Variants in NRG1 observed in about 807,000 individuals in gnomAD.
NRG1 encodes neuregulin 1, also known as pro-neuregulin-1, membrane-bound isoform.
In NRG1, 18 loss-of-function variants were observed where a neutral mutation model predicts 63.8. The ratio of observed to expected loss-of-function variants is 0.28; its 90% CI spans 0.19 to 0.42. NRG1 has a LOEUF of 0.42. NRG1 is among the 10% of genes least tolerant of loss of function. The probability of loss-of-function intolerance (pLI) is 1.00; values close to 1 mark genes in which losing one functional copy is unlikely to be tolerated. For synonymous variants in NRG1, 302 were observed against 301.3 expected (o/e 1.00, Z -0.02); for missense variants, 762 against 814.7 (o/e 0.94, Z 0.79).
chr8:31,879,791 T>C (rs750051457), intron 1 of NRG1, among the ~76,000 whole-genome samples: 2 of 152,158 alleles, frequency 1.3e-5, no homozygotes, highest in Non-Finnish European at 2.9e-5. Flanking sequence ...TTCCCTCTTA[T>C]AAGTAAGAAC....
chr8:32,762,038 CAAAAAAAAA>C (rs11407724), intron 11 of NRG1, among the ~76,000 whole-genome samples: 1 of 81,478 alleles, frequency 1.2e-5, no homozygotes, highest in East Asian at 4.1e-4. Context: ...GACTCCGCCT[CAAAAAAAAA>C]AAAAAAAAAA....
At chr8:32,102,740 C>G (rs969068542) in intron 1 of NRG1, among the ~76,000 whole-genome samples, 1 of 152,112 alleles carries the variant, frequency 6.6e-6, no homozygotes, top group African/African-American at 2.4e-5. Flanking sequence ...GCCCTGCCAT[C>G]GAATCCAGCT....
chr8:32,652,404 TCTGTGGCTCACTTCTTTTCTTCA>T (rs1476341772), intron 5 of NRG1, among the ~76,000 whole-genome samples: 3 of 152,164 alleles, frequency 2.0e-5, no homozygotes, highest in African/African-American at 7.2e-5. Flanking sequence ...AGCAGATTGC[TCTGTGGCTCACTTCTTTTCTTCA>T]TAACCCATTT....
chr8:32,446,157 G>C (rs894527508), intron 1 of NRG1, among the ~76,000 whole-genome samples: 3 of 152,106 alleles, frequency 2.0e-5, no homozygotes, highest in African/African-American at 7.2e-5. Context: ...CTTGAAATCA[G>C]AATTGCCACA....
intron 1 of NRG1, among the ~76,000 whole-genome samples, chr8:32,590,015 A>G (rs1842248497): frequency 6.6e-6 from 1 of 152,232 alleles, no homozygotes; most frequent in South Asian, 2.1e-4. Context: ...GCAGAACACA[A>G]AAGTAGACTT....
At chr8:32,293,856 T>C (rs1854523648) in intron 1 of NRG1, among the ~76,000 whole-genome samples, 1 of 151,880 alleles carries the variant, frequency 6.6e-6, no homozygotes. Context: ...GCAGCTGGGA[T>C]TACAGGCAAC....
intron 1 of NRG1, among the ~76,000 whole-genome samples, chr8:31,832,835 A>C (rs2129606227): frequency 6.6e-6 from 1 of 152,284 alleles, no homozygotes; most frequent in East Asian, 1.9e-4. Flanking sequence ...TCCAAATTAT[A>C]TAGTAGTTTC....
intron 1 of NRG1, among the ~76,000 whole-genome samples, chr8:32,390,441 T>G (rs1452419482): frequency 6.6e-6 from 1 of 151,040 alleles, no homozygotes; most frequent in Non-Finnish European, 1.5e-5. Context: ...CCAGGCGTGG[T>G]GATGAGCACC....
In NRG1 at chr8:31,859,716, T is replaced by C. The variant is rs182157544; in HGVS notation, c.37+220285T>C. ...TGTTTTGCTACAAAAGCAAAGTGGT[T>C]CCTTATGATTGGCTGAAACTCTTTG... On this transcript the variant is annotated intron_variant, in intron 1 of 10. Transcript: ENST00000519301. Among the ~76,000 whole-genome samples the C allele has an allele frequency of 2.1e-4, 32 of 152,372 alleles. No individual in the cohort carries two copies. In the East Asian group the frequency reaches 5.0e-3, roughly 24 times the overall value.
intron 1 of NRG1, among the ~76,000 whole-genome samples, chr8:32,176,033 T>C (rs908233303): frequency 1.3e-5 from 2 of 152,220 alleles, no homozygotes; most frequent in Non-Finnish European, 2.9e-5. Flanking sequence ...AAGTCAATCC[T>C]AAGCCAAAAG....
chr8:32,187,728 C>T (rs1233167141), intron 1 of NRG1, among the ~76,000 whole-genome samples: 10 of 151,412 alleles, frequency 6.6e-5, no homozygotes, highest in African/African-American at 1.9e-4. Context: ...GGAGGGGTGG[C>T]GCAAAGCAGT....
intron 1 of NRG1, among the ~76,000 whole-genome samples, chr8:32,585,610 C>A (rs1588494551): frequency 6.6e-6 from 1 of 152,200 alleles, no homozygotes; most frequent in East Asian, 1.9e-4. Context: ...ACTGTTCACC[C>A]TTGTGGCATT....
intron 1 of NRG1, among the ~76,000 whole-genome samples, chr8:32,359,617 A>G (rs1177369496): frequency 6.6e-6 from 1 of 152,180 alleles, no homozygotes; most frequent in Non-Finnish European, 1.5e-5. Flanking sequence ...TTAAACTACA[A>G]TTATCTAAGA....
intron 1 of NRG1, among the ~76,000 whole-genome samples, chr8:31,921,481 C>CAG (rs942900689): frequency 6.6e-6 from 1 of 151,056 alleles, no homozygotes; most frequent in African/African-American, 2.4e-5. Context: ...CACACATACA[C>CAG]ACACACACAC....
At chr8:32,072,917 A>T (rs1825959102) in intron 1 of NRG1, among the ~76,000 whole-genome samples, 1 of 152,058 alleles carries the variant, frequency 6.6e-6, no homozygotes, top group Non-Finnish European at 1.5e-5. Flanking sequence ...TATTATTAAC[A>T]TCTCTTGTGT....
chr8:32,524,862 G>A (rs958108660), intron 1 of NRG1, among the ~76,000 whole-genome samples: 2 of 152,058 alleles, frequency 1.3e-5, no homozygotes, highest in Non-Finnish European at 2.9e-5. Context: ...CGTATTAACC[G>A]CTCATCACAT....
intron 5 of NRG1, among the ~76,000 whole-genome samples, chr8:32,695,176 C>A (rs1220521819): frequency 6.6e-6 from 1 of 151,908 alleles, no homozygotes; most frequent in Non-Finnish European, 1.5e-5. Context: ...GCAACAAGAA[C>A]AACAACAAAA....
At chr8:32,264,186 A>C (rs1586489173) in intron 1 of NRG1, among the ~76,000 whole-genome samples, 1 of 152,320 alleles carries the variant, frequency 6.6e-6, no homozygotes, top group African/African-American at 2.4e-5. Flanking sequence ...CTCCTGTATA[A>C]GAAGAATTTG....
intron 1 of NRG1, among the ~76,000 whole-genome samples, chr8:31,928,275 T>A (rs1263607233): frequency 7.5e-6 from 1 of 132,490 alleles, no homozygotes; most frequent in Non-Finnish European, 1.5e-5. Flanking sequence ...AAAATCACAA[T>A]GACATACCAC....
Sources: allele counts gnomAD v4.1 joint callset (sites outside exome capture counted in the v4.1 genomes callset), GRCh38; gene constraint gnomAD v4.1.1; transcripts MANE v1.5; gene names NCBI Gene and HGNC (gene_info 2026-07-23, HGNC 2026-07-21).